Variants in CAPZA2 observed in about 807,000 individuals in gnomAD.
The protein encoded by CAPZA2 is capping actin protein of muscle Z-line subunit alpha 2.
In CAPZA2, 13 loss-of-function variants were observed where a neutral mutation model predicts 44.0. The observed-to-expected ratio is 0.30, with a 90% CI of 0.19 to 0.47. The LOEUF is 0.47. Ranked by LOEUF, CAPZA2 falls within the 20% of genes least tolerant of loss-of-function variation. The probability of loss-of-function intolerance (pLI) is 1.00; values close to 1 mark genes in which losing one functional copy is unlikely to be tolerated. For synonymous variants in CAPZA2, 94 were observed against 108.2 expected, an observed-to-expected ratio of 0.87 and a Z score of 0.81; for missense variants, 244 against 338.6, an observed-to-expected ratio of 0.72 and a Z score of 2.19.
At position 116,910,277 on chromosome 7, in the gene CAPZA2, C is replaced by A; in HGVS notation, c.551C>A (p.Ser184Ter). 1 of 1,599,938 alleles carries A rather than the reference C, an allele frequency of 6.3e-7. No individual in the cohort carries two copies. Among genetic ancestry groups the A allele is most frequent in the South Asian group, 1.1e-5 (1 of 90,766 alleles). Residue 184 changes from serine (S) to a stop codon, truncating the protein, a stop_gained, in exon 7 of 10, where the codon TCA (serine) becomes TAA (stop). Coordinates refer to ENST00000361183, the MANE Select transcript of CAPZA2 (RefSeq NM_006136.3). LOFTEE classifies it high-confidence loss of function. ...RSEWKFTITPSTTQVVGILKI... is the reference protein window; with the variant it reads ...RSEWKFTITP ...GAATGGAAGTTTACAATCACTCCTT[C>A]AACCACTCAAGTGGTTGGCATCTTG...
rs965139418 is a variant in CAPZA2 at position 116,919,287 on chromosome 7, G to A, written c.*1420G>A. 6.6e-6 allele frequency: 1 copy of A among 152,252 alleles called. No individual in the cohort carries two copies. The highest frequency in any genetic ancestry group is 2.4e-5 in the African/African-American group (1 of 41,308). 9.4% of individuals were successfully genotyped at this position (152,252 alleles called of 1,614,324 possible). ...TTTTGTCTAAATCATCTTTTCTTTA[G>A]TTTTAAAATACAAGTTTTGGCACAT... On this transcript the variant is annotated 3_prime_UTR_variant, in exon 10 of 10. Transcript: ENST00000361183.
chr7:116,916,801 A>G (rs1585016925), intron 9 of CAPZA2, among the ~76,000 whole-genome samples: 1 of 152,338 alleles, frequency 6.6e-6, no homozygotes, highest in East Asian at 1.9e-4. Context: ...AGAAATCTGC[A>G]TTAGTGCTTC....
intron 1 of CAPZA2, among the ~76,000 whole-genome samples, chr7:116,870,799 A>G (rs763720529): frequency 2.6e-5 from 4 of 152,214 alleles, no homozygotes; most frequent in Non-Finnish European, 5.9e-5. Flanking sequence ...TGGAATCAAG[A>G]AGACTTGATA....
chr7:116,897,970 C>T (rs1281420143), intron 3 of CAPZA2, among the ~76,000 whole-genome samples: 1 of 152,118 alleles, frequency 6.6e-6, no homozygotes, highest in Non-Finnish European at 1.5e-5. Flanking sequence ...TGTAACTCTG[C>T]TCTGTCTCCC....
At chr7:116,910,871 G>A (rs954880207) in intron 7 of CAPZA2, among the ~76,000 whole-genome samples, 1 of 150,998 alleles carries the variant, frequency 6.6e-6, no homozygotes, top group Non-Finnish European at 1.5e-5. Context: ...CGTGCCTGTA[G>A]TCCCAGCTAC....
intron 1 of CAPZA2, among the ~76,000 whole-genome samples, chr7:116,887,527 CA>C (rs991490102): frequency 1.6e-5 from 2 of 127,744 alleles, no homozygotes; most frequent in Non-Finnish European, 1.7e-5. Flanking sequence ...ACCCTGCCTC[CA>C]AAAAAAAAAT....
Position 116,862,633 on chromosome 7 carries a change from T to C in CAPZA2, c.22T>C (p.Leu8=). ...GAAGATGGCGGATCTGGAGGAGCAG[T>C]TGTCTGATGAAGAGAAGGTAAGAGT... is the stretch of plus-strand genomic sequence containing the variant. MADLEEQ[L]SDEEKVRIAA... is the part of the protein sequence containing the mutation. Residue 8 remains leucine (L), a synonymous_variant, in exon 1 of 10, where the codon TTG becomes CTG. Coordinates refer to ENST00000361183, the MANE Select transcript of CAPZA2 (RefSeq NM_006136.3). 5 of 1,539,798 alleles carry C rather than the reference T, an allele frequency of 3.2e-6. No individual in the cohort carries two copies. Among genetic ancestry groups the C allele is most frequent in the Non-Finnish European group, 4.4e-6 (5 of 1,142,132 alleles).
intron 9 of CAPZA2, among the ~76,000 whole-genome samples, chr7:116,916,924 T>C (rs1791687674): frequency 6.6e-6 from 1 of 152,216 alleles, no homozygotes; most frequent in Non-Finnish European, 1.5e-5. Context: ...TGCCAGACTT[T>C]AAGTGGCTAT....
At chr7:116,866,528 A>T (rs1004713179) in intron 1 of CAPZA2, among the ~76,000 whole-genome samples, 1 of 152,178 alleles carries the variant, frequency 6.6e-6, no homozygotes, top group Non-Finnish European at 1.5e-5. Flanking sequence ...GTTCATTTTC[A>T]TTCCTGGGTC....
At chr7:116,877,995 C>T (rs1796642907) in intron 1 of CAPZA2, among the ~76,000 whole-genome samples, 1 of 152,184 alleles carries the variant, frequency 6.6e-6, no homozygotes. Flanking sequence ...GAGCAAGAGA[C>T]ACTCGCTGAT....
intron 1 of CAPZA2, among the ~76,000 whole-genome samples, chr7:116,878,169 T>A (rs929275609): frequency 6.6e-6 from 1 of 152,170 alleles, no homozygotes; most frequent in Non-Finnish European, 1.5e-5. Context: ...AAGGATAGGA[T>A]CTTTGTCTTG....
intron 2 of CAPZA2, chr7:116,888,557 C>T (rs1187020444): frequency 6.3e-6 from 1 of 159,402 alleles, no homozygotes; most frequent in African/African-American, 2.4e-5. Context: ...AAAAAGACAA[C>T]AGGCCAGGTG....
At chr7:116,891,762 C>A (rs1796849483) in intron 2 of CAPZA2, among the ~76,000 whole-genome samples, 1 of 152,164 alleles carries the variant, frequency 6.6e-6, no homozygotes, top group Admixed American at 6.5e-5. Context: ...CCACCCTCTT[C>A]GGCCTCCCAA....
intron 6 of CAPZA2, among the ~76,000 whole-genome samples, chr7:116,907,929 T>G (rs561371451): frequency 2.0e-5 from 3 of 152,290 alleles, no homozygotes; most frequent in African/African-American, 7.2e-5. Context: ...TCCATAGTGA[T>G]AATATCATGG....
intron 5 of CAPZA2, among the ~76,000 whole-genome samples, chr7:116,905,017 C>T (rs1395962036): frequency 6.8e-6 from 1 of 147,568 alleles, no homozygotes; most frequent in Admixed American, 6.8e-5. Context: ...TAGCACGTGC[C>T]TGTAGTCCCA....
chr7:116,916,146 A>G, intron 9 of CAPZA2, 24 bp downstream of exon 9: 1 of 1,512,938 alleles, frequency 6.6e-7, no homozygotes, highest in Non-Finnish European at 8.8e-7. Context: ...AATATTATAT[A>G]AGCTACACTC....
intron 1 of CAPZA2, among the ~76,000 whole-genome samples, chr7:116,877,144 A>T (rs1796632431): frequency 6.6e-6 from 1 of 152,224 alleles, no homozygotes; most frequent in African/African-American, 2.4e-5. Flanking sequence ...CTAAGTGTCA[A>T]GGCACACGTA....
chr7:116,909,736 A>C (rs923192864), intron 6 of CAPZA2: 1 of 168,442 alleles, frequency 5.9e-6, no homozygotes, highest in African/African-American at 2.4e-5. Flanking sequence ...GAGTGTATTC[A>C]TAAAAGCCCC....
At chr7:116,904,584 A>G in intron 5 of CAPZA2, 1 of 516,338 alleles carries the variant, frequency 1.9e-6, no homozygotes, top group Non-Finnish European at 3.4e-6. Context: ...AAATAGAGAA[A>G]TGGTTGTACC....
Sources: allele counts gnomAD v4.1 joint callset (sites outside exome capture counted in the v4.1 genomes callset), GRCh38; gene constraint gnomAD v4.1.1; transcripts MANE v1.5; gene names NCBI Gene and HGNC (gene_info 2026-07-23, HGNC 2026-07-21).